Variants in ODAD2 observed in about 807,000 individuals in gnomAD.
The protein encoded by ODAD2 is outer dynein arm docking complex subunit 2, also known as outer dynein arm-docking complex subunit 2.
ODAD2 carries 89 observed loss-of-function variants against 106.8 expected under a neutral mutation model. The observed-to-expected ratio is 0.83, with a 90% CI of 0.70 to 0.99. The LOEUF is 0.99. ODAD2 is among the 50% of genes least tolerant of loss of function. ODAD2 has a pLI of 0.00. For synonymous variants in ODAD2, 404 were observed against 436.2 expected (o/e 0.93, Z 0.92); for missense variants, 1,168 against 1,238.5 (o/e 0.94, Z 0.85).
intron 17 of ODAD2, among the ~76,000 whole-genome samples, chr10:27,867,671 T>C (rs1840542677): frequency 6.6e-6 from 1 of 152,108 alleles, no homozygotes; most frequent in Non-Finnish European, 1.5e-5. Context: ...AAGCAAGGGC[T>C]GGGTGCAGTG....
intron 17 of ODAD2, among the ~76,000 whole-genome samples, chr10:27,871,556 T>C (rs1840888932): frequency 6.6e-6 from 1 of 152,200 alleles, no homozygotes; most frequent in African/African-American, 2.4e-5. Context: ...AGGGATCCAG[T>C]TTCACCTTTC....
In ODAD2 at chr10:27,969,318, G is replaced by A. The variant is rs113674006; in HGVS notation, c.1143-300C>T. ...CCTTCTACTCTAGGTATGTATCGCC[G>A]CCAATTATAGTTTTCTATTTTCTTA... On this transcript the variant is annotated intron_variant, in intron 8 of 19. Transcript: ENST00000305242. Among the ~76,000 whole-genome samples the A allele has an allele frequency of 5.4e-3, 789 of 145,180 alleles. 24 individuals are homozygous for A. The highest frequency in any genetic ancestry group is 0.02 in the African/African-American group (732 of 37,280).
chr10:27,958,236 T>A (rs990828539), intron 10 of ODAD2, among the ~76,000 whole-genome samples: 4 of 152,226 alleles, frequency 2.6e-5, no homozygotes, highest in African/African-American at 9.6e-5. Context: ...AAGTAGCACT[T>A]CATCAATATA....
intron 9 of ODAD2, among the ~76,000 whole-genome samples, chr10:27,963,234 C>G (rs1848260456): frequency 6.6e-6 from 1 of 152,106 alleles, no homozygotes; most frequent in Non-Finnish European, 1.5e-5. Context: ...GTCTCGAACT[C>G]TTGACCTCGT....
intron 9 of ODAD2, among the ~76,000 whole-genome samples, chr10:27,967,237 G>A (rs1848539480): frequency 6.6e-6 from 1 of 151,696 alleles, no homozygotes; most frequent in Admixed American, 6.6e-5. Context: ...ACCTTTATCA[G>A]ACTGTAAGAA....
intron 7 of ODAD2, among the ~76,000 whole-genome samples, chr10:27,980,779 A>G (rs1008022272): frequency 6.6e-6 from 1 of 152,182 alleles, no homozygotes; most frequent in Admixed American, 6.5e-5. Context: ...TTCCTCCAAA[A>G]GTTAAATACA....
intron 17 of ODAD2, among the ~76,000 whole-genome samples, chr10:27,894,076 T>C (rs567854041): frequency 6.6e-6 from 1 of 152,238 alleles, no homozygotes; most frequent in Non-Finnish European, 1.5e-5. Context: ...GCCCAGGAGA[T>C]TGACATTGCA....
intron 16 of ODAD2, among the ~76,000 whole-genome samples, chr10:27,908,034 T>C (rs1843726214): frequency 6.6e-6 from 1 of 152,180 alleles, no homozygotes; most frequent in East Asian, 1.9e-4. Context: ...AATCAAGCCA[T>C]GTAATTTTTT....
intron 17 of ODAD2, among the ~76,000 whole-genome samples, chr10:27,875,492 C>T (rs1248400875): frequency 1.3e-5 from 2 of 152,128 alleles, no homozygotes; most frequent in African/African-American, 4.8e-5. Flanking sequence ...GTTTTATCTA[C>T]CTTTGGTCTT....
At chr10:27,959,158 A>G (rs2132814252) in intron 10 of ODAD2, among the ~76,000 whole-genome samples, 1 of 124,704 alleles carries the variant, frequency 8.0e-6, no homozygotes. Context: ...GAAAGAGAAA[A>G]GGAAAGAGGA....
chr10:27,863,849 A>T (rs1022756084), intron 17 of ODAD2, among the ~76,000 whole-genome samples: 13 of 151,816 alleles, frequency 8.6e-5, no homozygotes, highest in African/African-American at 3.1e-4. Context: ...GAATGACTGG[A>T]GCACAAAATA....
chr10:27,812,702 A>C, intron 19 of ODAD2, 77 bp from the exon 20 acceptor site: 1 of 1,457,336 alleles, frequency 6.9e-7, no homozygotes, highest in Middle Eastern at 2.0e-4. Flanking sequence ...AGGCTAGGAA[A>C]ATAATTTTCA....
chr10:27,829,385 G>A (rs554598280), intron 19 of ODAD2, among the ~76,000 whole-genome samples: 3 of 152,184 alleles, frequency 2.0e-5, no homozygotes, highest in Admixed American at 6.5e-5. Flanking sequence ...TCAAACTCCC[G>A]TTGACTTAAC....
chr10:27,845,000 A>G (rs1260008549), intron 19 of ODAD2, among the ~76,000 whole-genome samples: 1 of 152,226 alleles, frequency 6.6e-6, no homozygotes, highest in Non-Finnish European at 1.5e-5. Context: ...GTGCTCCTGG[A>G]TATTTTAGAA....
At position 27,971,212 on chromosome 10, in the gene ODAD2, TGAACCAGAAATGTCTTTGCGGAG is replaced by T. The variant is rs1241393910; in HGVS notation, c.1015_1037del (p.Leu339ArgfsTer11). 1 of 1,613,926 alleles carries T rather than the reference TGAACCAGAAATGTCTTTGCGGAG, an allele frequency of 6.2e-7. No individual in the cohort carries two copies. Among genetic ancestry groups the T allele is most frequent in the South Asian group, 1.1e-5 (1 of 91,072 alleles). On this transcript the variant is annotated frameshift_variant, in exon 8 of 20. Coordinates refer to ENST00000305242, the MANE Select transcript of ODAD2 (RefSeq NM_018076.5). LOFTEE classifies it high-confidence loss of function. ...GGTTCTTCTCCAGTGACCTTTTGTCTGAACCAGAAATGTCTTTGCGGAGGGCAGCTGCTTCTTCCTTCTTGGGG... is the reference window on the plus strand; with the variant it reads ...GGTTCTTCTCCAGTGACCTTTTGTCTGGCAGCTGCTTCTTCCTTCTTGGGG...
At position 27,900,692 on chromosome 10, in the gene ODAD2, T is replaced by A. The variant is rs1197570822; in HGVS notation, c.2610+6971A>T. ...ACACAAGTACCAATAGCTGAATCGA[T>A]CAGGCGGAAGAAAGGTTATCAGATA... On this transcript the variant is annotated intron_variant, in intron 17 of 19. Transcript: ENST00000305242. 3.3e-5 allele frequency among the ~76,000 whole-genome samples: 5 copies of A among 151,982 alleles called. No homozygotes were observed. The East Asian group carries it at 9.7e-4, about 29-fold the overall frequency.
intron 19 of ODAD2, among the ~76,000 whole-genome samples, chr10:27,847,273 G>A (rs532694960): frequency 3.3e-5 from 5 of 152,214 alleles, no homozygotes; most frequent in South Asian, 2.1e-4. Flanking sequence ...TTCAACATAC[G>A]CAAATCAATA....
At chr10:27,928,239 A>T (rs1235047531) in intron 16 of ODAD2, among the ~76,000 whole-genome samples, 1 of 152,056 alleles carries the variant, frequency 6.6e-6, no homozygotes, top group East Asian at 1.9e-4. Context: ...ATAGTTACCC[A>T]AGCCAGCAAA....
At chr10:27,956,131 C>T (rs1051601191) in intron 10 of ODAD2, among the ~76,000 whole-genome samples, 1 of 152,152 alleles carries the variant, frequency 6.6e-6, no homozygotes, top group African/African-American at 2.4e-5. Flanking sequence ...TACCCCTCAC[C>T]AACCCATCAT....
Sources: gnomAD v4.1 joint callset for allele counts (sites outside exome capture counted in the v4.1 genomes callset) on GRCh38, gnomAD v4.1.1 for gene constraint, MANE v1.5 for transcripts, NCBI Gene and HGNC (gene_info 2026-07-23, HGNC 2026-07-21) for gene names.